SLC9A9: variants seen among roughly 807,000 people sequenced by gnomAD.
The protein encoded by SLC9A9 is sodium/hydrogen exchanger 9.
SLC9A9 carries 62 observed loss-of-function variants against 77.8 expected under a neutral mutation model. That is an observed-to-expected ratio of 0.80 (90% CI 0.65 to 0.98). The LOEUF is 0.98. SLC9A9 is among the 50% of genes least tolerant of loss of function. SLC9A9 has a pLI of 0.00. For synonymous variants in SLC9A9, 320 were observed against 283.5 expected (o/e 1.13, Z -1.29); for missense variants, 775 against 774.9 (o/e 1.00, Z 0.00).
chr3:143,576,550 T>C (rs532791536), intron 7 of SLC9A9, among the ~76,000 whole-genome samples: 93 of 152,244 alleles, frequency 6.1e-4, no homozygotes, highest in African/African-American at 2.1e-3. Flanking sequence ...GTTCCTATCC[T>C]TGTTGCTGTT....
At chr3:143,773,547 C>T (rs367951001) in intron 4 of SLC9A9, among the ~76,000 whole-genome samples, 15 of 150,492 alleles carry the variant, frequency 1.0e-4, no homozygotes, top group Middle Eastern at 3.4e-3. Flanking sequence ...TGCAATGGCG[C>T]GATCTTGGCT....
At chr3:143,434,743 G>A (rs2034589920) in intron 12 of SLC9A9, among the ~76,000 whole-genome samples, 1 of 152,106 alleles carries the variant, frequency 6.6e-6, no homozygotes, top group Non-Finnish European at 1.5e-5. Context: ...AACCTCTGCT[G>A]CTGGATCAGT....
chr3:143,341,200 C>T (rs994881632), intron 14 of SLC9A9, among the ~76,000 whole-genome samples: 2 of 152,032 alleles, frequency 1.3e-5, no homozygotes, highest in Non-Finnish European at 2.9e-5. Flanking sequence ...GGATCTTTTT[C>T]ACTGTTCATG....
intron 13 of SLC9A9, among the ~76,000 whole-genome samples, chr3:143,379,473 T>C (rs1393455897): frequency 3.9e-5 from 6 of 152,240 alleles, no homozygotes; most frequent in Non-Finnish European, 8.8e-5. Flanking sequence ...AGAAAACCTC[T>C]TTCTGAAACG....
chr3:143,553,217 C>T (rs2036922973), intron 8 of SLC9A9, among the ~76,000 whole-genome samples: 2 of 152,176 alleles, frequency 1.3e-5, no homozygotes, highest in South Asian at 4.1e-4. Flanking sequence ...ACACTAGATG[C>T]TTTCTGGAGA....
In SLC9A9 at chr3:143,757,013, C is replaced by A. The variant is rs191475897; in HGVS notation, c.533+37988G>T. ...ATGTATAAAATACAAATACTTTCTA[C>A]AGGGGCTTAGATAAATTGTAAGAGG... On this transcript the variant is annotated intron_variant, in intron 4 of 15. Transcript: ENST00000316549. Among the ~76,000 whole-genome samples the A allele has an allele frequency of 2.5e-3, 387 of 152,212 alleles. 1 individual carries two copies. Among genetic ancestry groups the A allele is most frequent in the Admixed American group, 4.5e-3 (68 of 15,280 alleles).
chr3:143,680,974 T>C (rs1272258241), intron 5 of SLC9A9, among the ~76,000 whole-genome samples: 2 of 152,110 alleles, frequency 1.3e-5, no homozygotes, highest in Non-Finnish European at 2.9e-5. Context: ...TTCCCTGACA[T>C]TTTCCCCCTG....
chr3:143,495,228 G>A (rs2035812430), intron 10 of SLC9A9, 107 bp downstream of exon 10: 1 of 924,042 alleles, frequency 1.1e-6, no homozygotes, highest in Admixed American at 1.9e-5. Flanking sequence ...TCTGAGCCTT[G>A]CAGTGGACTT....
intron 14 of SLC9A9, among the ~76,000 whole-genome samples, chr3:143,298,126 G>C (rs2030358639): frequency 6.6e-6 from 1 of 152,200 alleles, no homozygotes; most frequent in African/African-American, 2.4e-5. Flanking sequence ...TCCCTGTTGA[G>C]TTCTACATTA....
chr3:143,658,128 A>G (rs1223863435), intron 5 of SLC9A9, among the ~76,000 whole-genome samples: 1 of 152,170 alleles, frequency 6.6e-6, no homozygotes, highest in Non-Finnish European at 1.5e-5. Flanking sequence ...TGGCCTCCCA[A>G]AGTGCTGGGA....
chr3:143,679,444 C>T (rs1050456197), intron 5 of SLC9A9, among the ~76,000 whole-genome samples: 7 of 152,292 alleles, frequency 4.6e-5, no homozygotes, highest in Admixed American at 2.0e-4. Context: ...CAGGGTTTCT[C>T]AACCTTGGCA....
At chr3:143,770,617 A>T (rs927547656) in intron 4 of SLC9A9, among the ~76,000 whole-genome samples, 1 of 152,190 alleles carries the variant, frequency 6.6e-6, no homozygotes, top group Non-Finnish European at 1.5e-5. Context: ...TACTTGAGGA[A>T]AACAAGAGGA....
chr3:143,428,416 G>C (rs539057651), intron 12 of SLC9A9, among the ~76,000 whole-genome samples: 3 of 152,134 alleles, frequency 2.0e-5, no homozygotes, highest in African/African-American at 7.2e-5. Flanking sequence ...TTATCAAAAA[G>C]ACCTCCCCAC....
chr3:143,420,447 C>A (rs929461302), intron 12 of SLC9A9, among the ~76,000 whole-genome samples: 5 of 152,158 alleles, frequency 3.3e-5, no homozygotes, highest in African/African-American at 1.2e-4. Context: ...CTAGTTCTGC[C>A]TCATCTTGGG....
chr3:143,645,757 A>G (rs1245211794), intron 6 of SLC9A9, among the ~76,000 whole-genome samples: 4 of 152,086 alleles, frequency 2.6e-5, no homozygotes, highest in Non-Finnish European at 5.9e-5. Flanking sequence ...AAAAAGACAA[A>G]ATTGGTGCTC....
intron 6 of SLC9A9, 65 bp from the exon 7 acceptor site, chr3:143,578,788 C>T: frequency 3.8e-6 from 6 of 1,597,106 alleles, no homozygotes; most frequent in Non-Finnish European, 5.1e-6. Flanking sequence ...TAGGATTTCG[C>T]ACCCACTTTG....
intron 5 of SLC9A9, among the ~76,000 whole-genome samples, chr3:143,668,933 GCCGC>G (rs2039117579): frequency 1.3e-5 from 2 of 152,060 alleles, no homozygotes; most frequent in Non-Finnish European, 2.9e-5. Flanking sequence ...TCCTTTCTTG[GCCGC>G]TTTTCAAGAA....
intron 11 of SLC9A9, among the ~76,000 whole-genome samples, chr3:143,489,865 A>C (rs2035710862): frequency 6.6e-6 from 1 of 152,154 alleles, no homozygotes; most frequent in Admixed American, 6.5e-5. Flanking sequence ...TAAGACTTGA[A>C]TAGAAGTTTC....
At chr3:143,783,769 G>A (rs2007958500) in intron 4 of SLC9A9, among the ~76,000 whole-genome samples, 1 of 152,148 alleles carries the variant, frequency 6.6e-6, no homozygotes, top group African/African-American at 2.4e-5. Context: ...ATGTTTGACA[G>A]TTTTGGTAAT....
Sources: allele counts gnomAD v4.1 joint callset (sites outside exome capture counted in the v4.1 genomes callset), GRCh38; gene constraint gnomAD v4.1.1; transcripts MANE v1.5; gene names NCBI Gene and HGNC (gene_info 2026-07-23, HGNC 2026-07-21).